PAK1: variants seen among roughly 807,000 people sequenced by gnomAD.
The protein encoded by PAK1 is serine/threonine-protein kinase PAK 1.
Under a neutral mutation model 67.4 loss-of-function variants are expected in PAK1, and 29 were observed. The observed-to-expected ratio is 0.43, with a 90% CI of 0.32 to 0.59. The LOEUF (loss-of-function observed/expected upper bound fraction) is 0.59. Ranked by LOEUF, PAK1 falls within the 20% of genes least tolerant of loss-of-function variation. The probability of loss-of-function intolerance (pLI) is 0.07; values close to 1 mark genes in which losing one functional copy is unlikely to be tolerated. For missense variants in PAK1, 337 were observed against 670.7 expected, an observed-to-expected ratio of 0.50 and a Z score of 5.50; for synonymous variants, 223 against 237.4, an observed-to-expected ratio of 0.94 and a Z score of 0.56.
At chr11:77,346,230 C>T (rs980551608) in intron 9 of PAK1, among the ~76,000 whole-genome samples, 7 of 152,184 alleles carry the variant, frequency 4.6e-5, no homozygotes, top group African/African-American at 1.7e-4. Flanking sequence ...CCTCAGCCTC[C>T]CAAAGTGCTG....
intron 5 of PAK1, among the ~76,000 whole-genome samples, chr11:77,361,385 T>C (rs1946762237): frequency 1.3e-5 from 2 of 152,150 alleles, no homozygotes; most frequent in South Asian, 4.1e-4. Flanking sequence ...CCCTTAGGAA[T>C]TCTACCTATG....
chr11:77,489,660 G>C, the PAK1 span, among the ~76,000 whole-genome samples: 1 of 151,802 alleles, frequency 6.6e-6, no homozygotes, highest in Non-Finnish European at 1.5e-5. Flanking sequence ...TGTGTTGGCC[G>C]GGCTGGTCTC....
intron 1 of PAK1, among the ~76,000 whole-genome samples, chr11:77,427,936 CAG>C (rs1408133531): frequency 6.6e-6 from 1 of 152,092 alleles, no homozygotes; most frequent in African/African-American, 2.4e-5. Context: ...CTAAGCCAGA[CAG>C]AGGAGAGGAT....
At chr11:77,465,943 T>C (rs1957577205) in intron 1 of PAK1, among the ~76,000 whole-genome samples, 1 of 152,024 alleles carries the variant, frequency 6.6e-6, no homozygotes, top group Non-Finnish European at 1.5e-5. Context: ...AGCAAGACCC[T>C]GTCTCAAAAA....
Position 77,449,283 on chromosome 11 carries a change from A to C in PAK1, c.-22+24269T>G, listed in dbSNP as rs549738955. ...TAGCCCACACAGAAACAGCTTAAAA[A>C]GAAAACTAAAGAAGGCAACGACTTT... On this transcript the variant is annotated intron_variant, in intron 1 of 14. Coordinates refer to ENST00000356341, the MANE Select transcript of PAK1 (RefSeq NM_002576.5). Among the ~76,000 whole-genome samples the C allele has an allele frequency of 4.6e-5, 7 of 152,236 alleles. No homozygotes were observed. In the South Asian group the frequency reaches 6.2e-4, roughly 14 times the overall value.
Position 77,375,343 on chromosome 11 carries a change from T to C in PAK1, c.440-978A>G, listed in dbSNP as rs140784799. ...ATGCCAAAACATGGCCAGTCTCCAG[T>C]TTCAGCTTTCATAAAGGATCCTTCT... On this transcript the variant is annotated intron_variant, in intron 4 of 14. Coordinates refer to ENST00000356341, the MANE Select transcript of PAK1 (RefSeq NM_002576.5). 8.8e-4 allele frequency among the ~76,000 whole-genome samples: 134 copies of C among 152,246 alleles called. 2 individuals are homozygous for C. The East Asian group carries it at 0.022, about 25-fold the overall frequency.
chr11:77,522,752 CA>C, the PAK1 span, among the ~76,000 whole-genome samples: 1 of 151,894 alleles, frequency 6.6e-6, no homozygotes, highest in Non-Finnish European at 1.5e-5. Flanking sequence ...ATTATTCTAC[CA>C]AAAAAACACA....
intron 12 of PAK1, among the ~76,000 whole-genome samples, chr11:77,336,572 T>C (rs1942726863): frequency 6.6e-6 from 1 of 152,248 alleles, no homozygotes. Flanking sequence ...ATTTTGGTCT[T>C]GATTGCTCAT....
rs1948974649 is a variant in PAK1 at position 77,375,475 on chromosome 11, A to G, written c.440-1110T>C. 2.6e-5 allele frequency among the ~76,000 whole-genome samples: 4 copies of G among 152,352 alleles called. No individual in the cohort carries two copies. In the South Asian group the frequency reaches 8.3e-4, roughly 32 times the overall value. Reference sequence around the variant, plus strand: ...AGGTAGGGTCTTGTTTTCCAAGAATAGAATCAAGCTCCCTCAATGAAGCAA... The same window carrying G: ...AGGTAGGGTCTTGTTTTCCAAGAATGGAATCAAGCTCCCTCAATGAAGCAA... On this transcript the variant is annotated intron_variant, in intron 4 of 14. Transcript: ENST00000356341.
the PAK1 span, among the ~76,000 whole-genome samples, chr11:77,520,097 A>G: frequency 6.6e-6 from 1 of 152,206 alleles, no homozygotes; most frequent in Non-Finnish European, 1.5e-5. Flanking sequence ...TCTGAACAAA[A>G]GCATCTGATA....
At chr11:77,437,652 C>T (rs1338222568) in intron 1 of PAK1, among the ~76,000 whole-genome samples, 1 of 151,974 alleles carries the variant, frequency 6.6e-6, no homozygotes, top group Non-Finnish European at 1.5e-5. Flanking sequence ...AACTAAACAT[C>T]CTATGAGGCA....
chr11:77,337,294 A>G lies in PAK1; in HGVS notation c.1216+30T>C, dbSNP rs1190095125. On this transcript the variant is annotated intron_variant, in intron 12 of 14. Coordinates refer to ENST00000356341, the MANE Select transcript of PAK1 (RefSeq NM_002576.5). Reference sequence around the variant, plus strand: ...GGAGACAGGGCCCCACAGGCAGAGAAGTATTATCATTCCTAAGGCTCCTAC... The same window carrying G: ...GGAGACAGGGCCCCACAGGCAGAGAGGTATTATCATTCCTAAGGCTCCTAC... 4.4e-6 allele frequency: 5 copies of G among 1,146,312 alleles called. No homozygotes were observed. In the South Asian group the frequency reaches 5.1e-5, roughly 12 times the overall value. The allele number at this position is 1,146,312 out of a possible 1,614,324, so 71.0% of individuals were successfully genotyped here.
At chr11:77,367,334 G>A (rs1474369431) in intron 5 of PAK1, among the ~76,000 whole-genome samples, 1 of 152,068 alleles carries the variant, frequency 6.6e-6, no homozygotes, top group Non-Finnish European at 1.5e-5. Flanking sequence ...TCATAAATAT[G>A]AGCAGACCTC....
chr11:77,338,703 G>C (rs954179689), intron 11 of PAK1, among the ~76,000 whole-genome samples: 3 of 152,102 alleles, frequency 2.0e-5, no homozygotes, highest in Non-Finnish European at 4.4e-5. Flanking sequence ...GCCGAAAACA[G>C]AAACAACCCA....
At chr11:77,368,132 A>C (rs1322483040) in intron 5 of PAK1, among the ~76,000 whole-genome samples, 1 of 152,212 alleles carries the variant, frequency 6.6e-6, no homozygotes, top group African/African-American at 2.4e-5. Context: ...GAGTTCACAA[A>C]GCTCCCTGCA....
chr11:77,419,941 A>G (rs1013901483), intron 1 of PAK1, among the ~76,000 whole-genome samples: 12 of 152,322 alleles, frequency 7.9e-5, no homozygotes, highest in African/African-American at 2.2e-4. Context: ...CAAAAACACT[A>G]TAAGTAAAGA....
chr11:77,469,794 C>T (rs963289949), intron 1 of PAK1, among the ~76,000 whole-genome samples: 1 of 151,202 alleles, frequency 6.6e-6, no homozygotes, highest in African/African-American at 2.4e-5. Flanking sequence ...AATATACTGA[C>T]TATTAATTTT....
At chr11:77,520,241 A>T in the PAK1 span, among the ~76,000 whole-genome samples, 1 of 152,204 alleles carries the variant, frequency 6.6e-6, no homozygotes, top group African/African-American at 2.4e-5. Flanking sequence ...AAGGATAAGG[A>T]TAAGGATGAA....
intron 1 of PAK1, among the ~76,000 whole-genome samples, chr11:77,449,709 A>AAAT (rs1956773870): frequency 6.6e-6 from 1 of 151,758 alleles, no homozygotes; most frequent in Non-Finnish European, 1.5e-5. Flanking sequence ...AAAAAAAAAA[A>AAAT]AAAATCACCC....
Sources: allele counts gnomAD v4.1 joint callset (sites outside exome capture counted in the v4.1 genomes callset), GRCh38; gene constraint gnomAD v4.1.1; transcripts MANE v1.5; gene names NCBI Gene and HGNC (gene_info 2026-07-23, HGNC 2026-07-21).